SOX5: variants seen among roughly 807,000 people sequenced by gnomAD.
The protein encoded by SOX5 is transcription factor SOX-5.
In SOX5, 9 loss-of-function variants were observed where a neutral mutation model predicts 92.0. The ratio of observed to expected loss-of-function variants is 0.10; its 90% CI spans 0.06 to 0.17. The LOEUF is 0.17. Among genes scored for constraint, SOX5 ranks in the 10% least tolerant of loss-of-function variants. The probability of loss-of-function intolerance (pLI) is 1.00; values close to 1 mark genes in which losing one functional copy is unlikely to be tolerated. For missense variants in SOX5, 642 were observed against 944.5 expected (o/e 0.68, Z 4.20); for synonymous variants, 344 against 336.3 (o/e 1.02, Z -0.25).
At chr12:23,639,557 A>G (rs940033552) in intron 8 of SOX5, among the ~76,000 whole-genome samples, 1 of 152,208 alleles carries the variant, frequency 6.6e-6, no homozygotes, top group African/African-American at 2.4e-5. Flanking sequence ...GTTATTCCCC[A>G]GATCTCATTT....
intron 2 of SOX5, among the ~76,000 whole-genome samples, chr12:23,865,518 A>G (rs1318330829): frequency 6.6e-6 from 1 of 151,974 alleles, no homozygotes; most frequent in Non-Finnish European, 1.5e-5. Flanking sequence ...TACTAAAAAT[A>G]CGAAAAATTA....
At chr12:24,002,406 C>T (rs1269288035) in intron 4 of SOX5, among the ~76,000 whole-genome samples, 7 of 151,784 alleles carry the variant, frequency 4.6e-5, no homozygotes, top group South Asian at 2.1e-4. Flanking sequence ...TATAGAAATA[C>T]AAAGATGTAT....
At chr12:23,864,592 C>G (rs751326702) in intron 2 of SOX5, among the ~76,000 whole-genome samples, 1 of 152,134 alleles carries the variant, frequency 6.6e-6, no homozygotes, top group East Asian at 1.9e-4. Context: ...TTGTATTGGT[C>G]TGGAGAGAAG....
chr12:23,850,555 T>C (rs1052837256), intron 2 of SOX5, among the ~76,000 whole-genome samples: 2 of 151,714 alleles, frequency 1.3e-5, no homozygotes, highest in African/African-American at 4.8e-5. Flanking sequence ...TTCCTTAAAT[T>C]CCATCAAAAG....
At chr12:24,238,777 T>C (rs1359785872) in intron 3 of SOX5, among the ~76,000 whole-genome samples, 2 of 152,192 alleles carry the variant, frequency 1.3e-5, no homozygotes, top group Non-Finnish European at 2.9e-5. Context: ...ATAATCCAAA[T>C]AATGCACCTT....
At chr12:23,758,875 G>A (rs2094482836) in intron 3 of SOX5, among the ~76,000 whole-genome samples, 1 of 151,794 alleles carries the variant, frequency 6.6e-6, no homozygotes, top group African/African-American at 2.4e-5. Flanking sequence ...TTCCACCATG[G>A]GACGATGCAG....
intron 4 of SOX5, among the ~76,000 whole-genome samples, chr12:24,144,518 C>T (rs1950883151): frequency 1.3e-5 from 2 of 152,048 alleles, no homozygotes; most frequent in Non-Finnish European, 2.9e-5. Context: ...TAAAATAGCA[C>T]AGAAAAGCCA....
intron 3 of SOX5, among the ~76,000 whole-genome samples, chr12:23,792,794 G>A (rs945875378): frequency 6.6e-6 from 1 of 151,910 alleles, no homozygotes; most frequent in African/African-American, 2.4e-5. Flanking sequence ...TCTGTCTTTC[G>A]AGCTGAGAAG....
At chr12:23,976,308 G>A (rs1343598322) in intron 4 of SOX5, among the ~76,000 whole-genome samples, 2 of 148,806 alleles carry the variant, frequency 1.3e-5, no homozygotes, top group Non-Finnish European at 3.0e-5. Flanking sequence ...AAATGGATGT[G>A]CAGTCCCGTA....
intron 4 of SOX5, among the ~76,000 whole-genome samples, chr12:24,078,676 G>T (rs1200454190): frequency 6.6e-6 from 1 of 152,040 alleles, no homozygotes; most frequent in Non-Finnish European, 1.5e-5. Context: ...GTGACTCATG[G>T]TAAGAACCTC....
chr12:24,224,307 G>T (rs879304676), intron 3 of SOX5, among the ~76,000 whole-genome samples: 4 of 151,622 alleles, frequency 2.6e-5, no homozygotes, highest in African/African-American at 9.7e-5. Context: ...CATTTAGAAT[G>T]TTTCGGAAGC....
At chr12:24,409,472 T>A (rs974249956) in intron 1 of SOX5, among the ~76,000 whole-genome samples, 6 of 152,304 alleles carry the variant, frequency 3.9e-5, no homozygotes, top group Middle Eastern at 3.4e-3. Context: ...AATAATTTTT[T>A]TTAAAGTTTG....
chr12:24,059,743 T>C (rs980361096), intron 4 of SOX5, among the ~76,000 whole-genome samples: 40 of 152,124 alleles, frequency 2.6e-4, no homozygotes, highest in African/African-American at 9.4e-4. Context: ...TCCTGGTGGA[T>C]AGTCATTTAA....
At chr12:23,955,292 T>A (rs1946153214), upstream of SOX5, among the ~76,000 whole-genome samples, 1 of 152,082 alleles carries the variant, frequency 6.6e-6, no homozygotes, top group Non-Finnish European at 1.5e-5. Context: ...CTTTCACAAA[T>A]AACATAAAAG....
intron 3 of SOX5, among the ~76,000 whole-genome samples, chr12:23,812,189 A>C (rs1290519799): frequency 1.3e-5 from 2 of 152,134 alleles, no homozygotes; most frequent in Non-Finnish European, 2.9e-5. Flanking sequence ...CTACAACTAA[A>C]GTCTGGCACC....
upstream of SOX5, among the ~76,000 whole-genome samples, chr12:23,953,970 A>G (rs1326412828): frequency 1.3e-5 from 2 of 152,066 alleles, no homozygotes; most frequent in Non-Finnish European, 2.9e-5. Flanking sequence ...AAGATATGCT[A>G]GAGAACACTG....
intron 1 of SOX5, among the ~76,000 whole-genome samples, chr12:23,924,438 T>A (rs376222540): frequency 6.6e-6 from 1 of 152,094 alleles, no homozygotes; most frequent in Non-Finnish European, 1.5e-5. Context: ...CCTTATATAA[T>A]TTGACAAATT....
At chr12:24,093,111 T>C (rs993268673) in intron 4 of SOX5, among the ~76,000 whole-genome samples, 1 of 152,224 alleles carries the variant, frequency 6.6e-6, no homozygotes, top group Non-Finnish European at 1.5e-5. Context: ...CGGAGTGGTC[T>C]ATTAATCATC....
intron 4 of SOX5, among the ~76,000 whole-genome samples, chr12:23,962,439 G>T (rs778027442): frequency 6.6e-6 from 1 of 152,026 alleles, no homozygotes; most frequent in Non-Finnish European, 1.5e-5. Flanking sequence ...AAAACATAGG[G>T]TCTCCACGTT....
Sources: allele counts gnomAD v4.1 joint callset (sites outside exome capture counted in the v4.1 genomes callset), GRCh38; gene constraint gnomAD v4.1.1; transcripts MANE v1.5; gene names NCBI Gene and HGNC (gene_info 2026-07-23, HGNC 2026-07-21).